Variants in ADAM12 observed in about 807,000 individuals in gnomAD.
ADAM12 encodes disintegrin and metalloproteinase domain-containing protein 12.
Under a neutral mutation model 106.4 loss-of-function variants are expected in ADAM12, and 70 were observed. That is an observed-to-expected ratio of 0.66 (90% CI 0.54 to 0.80). The LOEUF (loss-of-function observed/expected upper bound fraction) is 0.80. Ranked by LOEUF, ADAM12 falls within the 30% of genes least tolerant of loss-of-function variation. ADAM12 has a pLI of 0.00. For missense variants in ADAM12, 1,010 were observed against 1,171.9 expected, an observed-to-expected ratio of 0.86 and a Z score of 2.02; for synonymous variants, 420 against 433.5, an observed-to-expected ratio of 0.97 and a Z score of 0.39.
intron 3 of ADAM12, among the ~76,000 whole-genome samples, chr10:126,166,448 G>A (rs1025386232): frequency 6.6e-6 from 1 of 152,146 alleles, no homozygotes; most frequent in Admixed American, 6.5e-5. Flanking sequence ...GATACAGTTT[G>A]CAAGTCTTGG....
intron 1 of ADAM12, among the ~76,000 whole-genome samples, chr10:126,338,246 ATT>A (rs200317403): frequency 3.3e-5 from 3 of 89,838 alleles, no homozygotes; most frequent in East Asian, 3.6e-4. Flanking sequence ...AGTAACTTAC[ATT>A]TTTTTTTTTT....
At chr10:126,017,634 T>C (rs1953683927) in intron 22 of ADAM12, among the ~76,000 whole-genome samples, 2 of 152,192 alleles carry the variant, frequency 1.3e-5, no homozygotes, top group South Asian at 4.1e-4. Context: ...ATTTTAGTAA[T>C]ACATTTAACT....
chr10:126,278,773 T>A (rs1959404365), intron 3 of ADAM12, 142 bp downstream of exon 3: 2 of 594,058 alleles, frequency 3.4e-6, no homozygotes, highest in African/African-American at 3.8e-5. Flanking sequence ...TTAAAGTTAA[T>A]TCTCACCTCA....
intron 2 of ADAM12, among the ~76,000 whole-genome samples, chr10:126,297,989 G>T (rs886451232): frequency 6.6e-6 from 1 of 152,010 alleles, no homozygotes; most frequent in African/African-American, 2.4e-5. Flanking sequence ...GGTTTGGGTT[G>T]GGATCTCAAA....
chr10:126,154,485 C>A (rs1413119992), intron 4 of ADAM12, among the ~76,000 whole-genome samples: 1 of 152,128 alleles, frequency 6.6e-6, no homozygotes. Context: ...ACAGTAATGG[C>A]TACTTGACAA....
chr10:126,342,822 C>T (rs1357331777), intron 1 of ADAM12, among the ~76,000 whole-genome samples: 1 of 151,362 alleles, frequency 6.6e-6, no homozygotes, highest in East Asian at 1.9e-4. Flanking sequence ...ATATGTCATC[C>T]AAGGGAGCAG....
intron 1 of ADAM12, among the ~76,000 whole-genome samples, chr10:126,386,418 T>A (rs1005157940): frequency 6.6e-6 from 1 of 152,146 alleles, no homozygotes; most frequent in Non-Finnish European, 1.5e-5. Flanking sequence ...AATGGTATGA[T>A]TTGGGGCACT....
intron 1 of ADAM12, among the ~76,000 whole-genome samples, chr10:126,351,784 C>T (rs1462118251): frequency 1.3e-5 from 2 of 152,154 alleles, no homozygotes; most frequent in Non-Finnish European, 2.9e-5. Flanking sequence ...TGCACCCCCA[C>T]CCCCAGTGAG....
chr10:126,148,023 G>A (rs529277475), intron 4 of ADAM12, among the ~76,000 whole-genome samples: 1 of 152,248 alleles, frequency 6.6e-6, no homozygotes, highest in Non-Finnish European at 1.5e-5. Flanking sequence ...AATGTCACAC[G>A]GATAGTCTCC....
At position 126,162,345 on chromosome 10, in the gene ADAM12, C is replaced by T. The variant is rs186309342; in HGVS notation, c.261-7040G>A. 3.9e-5 allele frequency among the ~76,000 whole-genome samples: 6 copies of T among 152,158 alleles called. 1 individual carries two copies. The highest frequency in any genetic ancestry group is 1.4e-4 in the African/African-American group (6 of 41,522). The stretch of plus-strand genomic sequence containing the variant: ...CATTCCAGCGAGAGGGGACTGCATC[C>T]TCAAAGGCATGGGGGTGCAGAAACA... On this transcript the variant is annotated intron_variant, in intron 3 of 22. Transcript: ENST00000448723.
chr10:126,328,085 T>C lies in ADAM12; in HGVS notation c.186+2327A>G, dbSNP rs767726917. 6.6e-4 allele frequency among the ~76,000 whole-genome samples: 100 copies of C among 152,362 alleles called. 1 individual carries two copies. Among genetic ancestry groups the C allele is most frequent in the South Asian group, 3.3e-3 (16 of 4,830 alleles). On this transcript the variant is annotated intron_variant, in intron 2 of 22. Transcript: ENST00000448723. ...TTCCTGGCCAAACTATCAAAATCCA[T>C]CTTCCCTGCTGGCCCCTAGAATACT...
Position 126,055,198 on chromosome 10 carries a change from G to A in ADAM12, c.1610-5529C>T, listed in dbSNP as rs184856332. Among the ~76,000 whole-genome samples, 224 of 152,156 alleles carry A rather than the reference G, an allele frequency of 1.5e-3. 3 individuals carry two copies. The highest frequency in any genetic ancestry group is 3.8e-3 in the Admixed American group (58 of 15,298). ...CCTTTCAATGAGTGTGGTTCCCCAC[G>A]GCCCCCAAATCCCAGCTGGTTCTGG... On this transcript the variant is annotated intron_variant, in intron 14 of 22. Transcript: ENST00000448723.
At chr10:126,051,532 G>GCCAC (rs1370341147) in intron 14 of ADAM12, among the ~76,000 whole-genome samples, 1 of 98,862 alleles carries the variant, frequency 1.0e-5, no homozygotes, top group Non-Finnish European at 2.1e-5. Context: ...CAGCCAGCCA[G>GCCAC]CCACCCATCC....
In ADAM12 at chr10:126,017,207, C is replaced by G; in HGVS notation, c.*72G>C. On this transcript the variant is annotated 3_prime_UTR_variant, in exon 23 of 23. Transcript: ENST00000448723. ...TTAAAAAAAATCCTAAAAGTTGGTA[C>G]AAAAAACTCCAACTGGAGCTGAAAG... is the stretch of plus-strand genomic sequence containing the variant. 1 of 1,391,548 alleles carries G rather than the reference C, an allele frequency of 7.2e-7. No individual in the cohort carries two copies. 86.2% of individuals were successfully genotyped at this position (1,391,548 alleles called of 1,614,324 possible). A position where few individuals can be genotyped will look rare whatever the true frequency, so the allele number is the denominator to read the frequency against.
At chr10:126,042,021 T>A (rs978311757) in intron 18 of ADAM12, 19 of 1,473,664 alleles carry the variant, frequency 1.3e-5, no homozygotes, top group Admixed American at 1.2e-4. Flanking sequence ...TCTGTTGTCA[T>A]GGAAACGATG....
intron 8 of ADAM12, among the ~76,000 whole-genome samples, chr10:126,104,228 T>A (rs1590413989): frequency 6.6e-6 from 1 of 152,088 alleles, no homozygotes; most frequent in Non-Finnish European, 1.5e-5. Context: ...GGCAGGCAGA[T>A]CACTTGAGGT....
At chr10:126,203,987 T>C (rs1300326869) in intron 3 of ADAM12, among the ~76,000 whole-genome samples, 1 of 152,198 alleles carries the variant, frequency 6.6e-6, no homozygotes, top group Non-Finnish European at 1.5e-5. Flanking sequence ...ATCTTTTCAA[T>C]GTCCCCAGAA....
At chr10:126,025,758 C>G (rs907011801) in intron 21 of ADAM12, among the ~76,000 whole-genome samples, 1 of 152,192 alleles carries the variant, frequency 6.6e-6, no homozygotes, top group African/African-American at 2.4e-5. Flanking sequence ...TCCAGGATAA[C>G]TTCCCCTACC....
chr10:126,251,749 T>TTGGA (rs1285002050), intron 3 of ADAM12, among the ~76,000 whole-genome samples: 15 of 142,802 alleles, frequency 1.1e-4, no homozygotes, highest in African/African-American at 4.0e-4. Context: ...GATGGATAGA[T>TTGGA]TGGATGGATG....
Sources: gnomAD v4.1 joint callset for allele counts (sites outside exome capture counted in the v4.1 genomes callset) on GRCh38, gnomAD v4.1.1 for gene constraint, MANE v1.5 for transcripts, NCBI Gene and HGNC (gene_info 2026-07-23, HGNC 2026-07-21) for gene names.